ADAMTS20: variants seen among roughly 807,000 people sequenced by gnomAD.
ADAMTS20 encodes the protein A disintegrin and metalloproteinase with thrombospondin motifs 20.
A neutral mutation model predicts 260.1 loss-of-function variants in ADAMTS20; 225 were observed. That is an observed-to-expected ratio of 0.87 (90% CI 0.78 to 0.97). The LOEUF is 0.97. Among genes scored for constraint, ADAMTS20 ranks in the 50% least tolerant of loss-of-function variants. ADAMTS20 has a pLI of 0.00. For synonymous variants in ADAMTS20, 802 were observed against 769.5 expected (o/e 1.04, Z -0.70); for missense variants, 2,400 against 2,337.7 (o/e 1.03, Z -0.55).
chr12:43,459,808 C>T (rs943418945), intron 11 of ADAMTS20, among the ~76,000 whole-genome samples: 9 of 152,118 alleles, frequency 5.9e-5, no homozygotes, highest in Non-Finnish European at 1.3e-4. Context: ...TGTGCGTGTG[C>T]ATTTTGTTAG....
intron 8 of ADAMTS20, among the ~76,000 whole-genome samples, 190 bp downstream of exon 8, chr12:43,468,410 A>C (rs1038496464): frequency 6.6e-6 from 1 of 152,186 alleles, no homozygotes; most frequent in Non-Finnish European, 1.5e-5. Context: ...TAGTCTGTTG[A>C]TCTGTGCAGC....
chr12:43,411,142 T>G (rs536255175), intron 28 of ADAMTS20, among the ~76,000 whole-genome samples: 1 of 152,326 alleles, frequency 6.6e-6, no homozygotes, highest in East Asian at 1.9e-4. Context: ...TTTACTCAGA[T>G]GAGAAAAATG....
At chr12:43,548,120 A>G (rs1943465192) in intron 2 of ADAMTS20, among the ~76,000 whole-genome samples, 1 of 152,218 alleles carries the variant, frequency 6.6e-6, no homozygotes, top group African/African-American at 2.4e-5. Flanking sequence ...TGCTCATTTC[A>G]ATATACTCAG....
intron 3 of ADAMTS20, among the ~76,000 whole-genome samples, chr12:43,503,516 AT>A (rs902438035): frequency 1.4e-4 from 22 of 151,984 alleles, no homozygotes; most frequent in African/African-American, 4.1e-4. Context: ...CCACAGATGA[AT>A]TTTTTTTAAT....
At chr12:43,384,325 T>A (rs571308979) in intron 29 of ADAMTS20, among the ~76,000 whole-genome samples, 1 of 152,210 alleles carries the variant, frequency 6.6e-6, no homozygotes, top group Non-Finnish European at 1.5e-5. Context: ...TGCTTTTAAA[T>A]GTCAATTAAA....
Position 43,425,514 on chromosome 12 carries a change from C to A in ADAMTS20, c.4284G>T (p.Ser1428=), listed in dbSNP as rs767495476. The A allele has an allele frequency of 1.3e-6, 2 of 1,502,868 alleles. No individual in the cohort carries two copies. The highest frequency in any genetic ancestry group is 1.8e-6 in the Non-Finnish European group (2 of 1,113,674). The allele number at this position is 1,502,868 out of a possible 1,614,324, so 93.1% of individuals were successfully genotyped here. The change falls in exon 28 of 39, where the codon TCG becomes TCT. Residue 1428 remains serine, a splice_region_variant and synonymous_variant. Coordinates refer to ENST00000389420, the MANE Select transcript of ADAMTS20 (RefSeq NM_025003.5). ...DVSWHQEPWT[S]CSASCGKGRK... is the part of the protein sequence containing the mutation. ...TTAACAGACAAGAGTGCTATCATAC[C>A]GATGTCCATGGTTCCTGATGCCATG...
intron 7 of ADAMTS20, among the ~76,000 whole-genome samples, chr12:43,487,136 A>T (rs1170612342): frequency 6.6e-6 from 1 of 152,184 alleles, no homozygotes; most frequent in Non-Finnish European, 1.5e-5. Flanking sequence ...ATGCTATCTC[A>T]GCACAATTCA....
chr12:43,513,506 A>C (rs1438675909), intron 3 of ADAMTS20, among the ~76,000 whole-genome samples: 1 of 152,094 alleles, frequency 6.6e-6, no homozygotes, highest in African/African-American at 2.4e-5. Flanking sequence ...AGAGCATTAA[A>C]ACAAAGGGAT....
chr12:43,443,987 T>C, intron 15 of ADAMTS20, 104 bp from the exon 16 acceptor site: 1 of 821,846 alleles, frequency 1.2e-6, no homozygotes, highest in East Asian at 2.6e-5. Flanking sequence ...TCAGACTTAA[T>C]TTTGTTGTGT....
intron 29 of ADAMTS20, among the ~76,000 whole-genome samples, chr12:43,393,433 C>T (rs912433377): frequency 6.6e-6 from 1 of 151,950 alleles, no homozygotes; most frequent in South Asian, 2.1e-4. Flanking sequence ...ACACTGCATA[C>T]ATTAGTGCTT....
chr12:43,375,617 T>A, intron 35 of ADAMTS20, 105 bp from the exon 36 acceptor site: 1 of 1,263,644 alleles, frequency 7.9e-7, no homozygotes, highest in Non-Finnish European at 1.1e-6. Context: ...TCTTTAATAT[T>A]ATAGTGTCAA....
At chr12:43,367,559 C>T (rs936857329) in intron 37 of ADAMTS20, among the ~76,000 whole-genome samples, 1 of 152,010 alleles carries the variant, frequency 6.6e-6, no homozygotes, top group Admixed American at 6.6e-5. Context: ...TCCTAGCTGA[C>T]ATACTTAACA....
intron 29 of ADAMTS20, among the ~76,000 whole-genome samples, chr12:43,385,947 T>C (rs1421542934): frequency 6.6e-6 from 1 of 152,174 alleles, no homozygotes; most frequent in East Asian, 1.9e-4. Context: ...TGCATAGAGG[T>C]GTTTATAGTA....
intron 29 of ADAMTS20, among the ~76,000 whole-genome samples, chr12:43,393,273 TA>T (rs1461301691): frequency 6.6e-6 from 1 of 152,022 alleles, no homozygotes; most frequent in Admixed American, 6.6e-5. Flanking sequence ...TTCGTTTTTT[TA>T]AAAAATCCAG....
Position 43,478,942 on chromosome 12 carries a change from G to A in ADAMTS20, c.1118-10237C>T, listed in dbSNP as rs143742235. Among the ~76,000 whole-genome samples, 501 of 152,272 alleles carry A rather than the reference G, an allele frequency of 3.3e-3. 6 individuals carry two copies. Among genetic ancestry groups the A allele is most frequent in the African/African-American group, 0.012 (493 of 41,548 alleles). On this transcript the variant is annotated intron_variant, in intron 7 of 38. Transcript: ENST00000389420. ...CTCATACTTGCAACTGGTGCCTGAA[G>A]TAAGGACGGTTTTATAGGACTGAGC...
chr12:43,394,293 C>G (rs1191069295), intron 29 of ADAMTS20, among the ~76,000 whole-genome samples: 2 of 152,052 alleles, frequency 1.3e-5, no homozygotes, highest in East Asian at 3.8e-4. Flanking sequence ...TAGTTGCTAC[C>G]ATTTAATTGT....
chr12:43,430,197 C>T (rs1941413296), intron 23 of ADAMTS20, among the ~76,000 whole-genome samples, 155 bp downstream of exon 23: 1 of 147,588 alleles, frequency 6.8e-6, no homozygotes, highest in Admixed American at 6.7e-5. Context: ...AAACCAAGAA[C>T]AACAAATTCT....
In ADAMTS20 at chr12:43,383,635, A is replaced by G; in HGVS notation, c.4720T>C (p.Ser1574Pro). The G allele has an allele frequency of 6.2e-7, 1 of 1,613,888 alleles. No homozygotes were observed. Among genetic ancestry groups the G allele is most frequent in the South Asian group, 1.1e-5 (1 of 91,076 alleles). Reference sequence around the variant, plus strand: ...TTCTTGGATGTAAGAGATATGGTTGAAGAATTATAGACTATTTCATTCACT... The same window carrying G: ...TTCTTGGATGTAAGAGATATGGTTGGAGAATTATAGACTATTTCATTCACT... ...RQVNEIVYNSSTISLTSKNCR... is the reference protein window; with the variant it reads ...RQVNEIVYNSPTISLTSKNCR... Residue 1574 changes from serine (S) to proline (P), a missense_variant, in exon 31 of 39, where the codon TCA (serine) becomes CCA (proline). Physicochemically the swap from Ser to Pro is moderately conservative, Grantham distance 74. Transcript: ENST00000389420.
chr12:43,418,129 G>C (rs542927945), intron 28 of ADAMTS20, among the ~76,000 whole-genome samples: 1 of 152,146 alleles, frequency 6.6e-6, no homozygotes, highest in African/African-American at 2.4e-5. Flanking sequence ...TTACCAAAAA[G>C]AGGCTTGTTC....
Sources: allele counts gnomAD v4.1 joint callset (sites outside exome capture counted in the v4.1 genomes callset), GRCh38; gene constraint gnomAD v4.1.1; transcripts MANE v1.5; gene names NCBI Gene and HGNC (gene_info 2026-07-23, HGNC 2026-07-21).